PCDH15: variants seen among roughly 807,000 people sequenced by gnomAD.
The protein encoded by PCDH15 is protocadherin-15.
PCDH15 carries 129 observed loss-of-function variants against 178.5 expected under a neutral mutation model. The observed-to-expected ratio is 0.72, with a 90% confidence interval of 0.63 to 0.84. The LOEUF (loss-of-function observed/expected upper bound fraction) is 0.84. PCDH15 is among the 40% of genes least tolerant of loss of function. The pLI, the probability that PCDH15 is intolerant of heterozygous loss-of-function variation, is 0.00. For synonymous variants in PCDH15, 800 were observed against 732.0 expected (o/e 1.09, Z -1.50); for missense variants, 2,230 against 2,099.9 (o/e 1.06, Z -1.21).
At chr10:54,075,159 C>T (rs892140277) in intron 17 of PCDH15, among the ~76,000 whole-genome samples, 3 of 151,952 alleles carry the variant, frequency 2.0e-5, no homozygotes, top group African/African-American at 4.8e-5. Flanking sequence ...AGGCAGATCA[C>T]GAGGTCAGGA....
chr10:55,623,259 C>G (rs1191874603), intron 2 of PCDH15, among the ~76,000 whole-genome samples: 1 of 152,146 alleles, frequency 6.6e-6, no homozygotes, highest in Non-Finnish European at 1.5e-5. Context: ...TTAACTAGGT[C>G]GTAGGACTGG....
intron 3 of PCDH15, among the ~76,000 whole-genome samples, chr10:54,432,217 A>G (rs1282217537): frequency 1.3e-5 from 2 of 152,114 alleles, no homozygotes; most frequent in African/African-American, 4.8e-5. Flanking sequence ...ATAGAAAAAA[A>G]TTCTAAAATG....
At chr10:54,722,973 A>T (rs1209372709) in intron 1 of PCDH15, among the ~76,000 whole-genome samples, 1 of 151,694 alleles carries the variant, frequency 6.6e-6, no homozygotes, top group African/African-American at 2.4e-5. Flanking sequence ...TACTGCACAA[A>T]TCAATCTACA....
At chr10:54,769,998 T>C (rs1416106373) in intron 1 of PCDH15, among the ~76,000 whole-genome samples, 3 of 152,168 alleles carry the variant, frequency 2.0e-5, no homozygotes, top group East Asian at 3.9e-4. Flanking sequence ...TTAGTTCAAA[T>C]TGAATAAAAT....
At chr10:55,162,955 C>A (rs1839102812) in intron 2 of PCDH15, among the ~76,000 whole-genome samples, 1 of 152,118 alleles carries the variant, frequency 6.6e-6, no homozygotes, top group Non-Finnish European at 1.5e-5. Flanking sequence ...ATTTCAGAAC[C>A]TAAGATTTGC....
Position 54,398,810 on chromosome 10 carries a change from G to C in PCDH15, c.158-19868C>G, listed in dbSNP as rs569364790. 3.3e-5 allele frequency among the ~76,000 whole-genome samples: 5 copies of C among 152,094 alleles called. No individual in the cohort carries two copies. The South Asian group carries it at 1.0e-3, about 32-fold the overall frequency. On this transcript the variant is annotated intron_variant, in intron 3 of 37. Transcript: ENST00000644397. The stretch of plus-strand genomic sequence containing the variant: ...TAGCCTTGCAGACAACCAAGTATCC[G>C]GGTTGCCTTATGAACTAAGCATAGG...
At chr10:55,104,687 A>G (rs1029731432) in intron 2 of PCDH15, among the ~76,000 whole-genome samples, 9 of 152,210 alleles carry the variant, frequency 5.9e-5, no homozygotes, top group African/African-American at 2.2e-4. Flanking sequence ...TGAAGTAGGT[A>G]CTACTGTACC....
chr10:54,135,594 C>G (rs1808012915), intron 14 of PCDH15, among the ~76,000 whole-genome samples: 1 of 152,148 alleles, frequency 6.6e-6, no homozygotes, highest in African/African-American at 2.4e-5. Context: ...AACATTTTCC[C>G]TGATATTACC....
intron 3 of PCDH15, among the ~76,000 whole-genome samples, chr10:54,388,483 G>T (rs1309214078): frequency 6.6e-6 from 1 of 152,130 alleles, no homozygotes; most frequent in Non-Finnish European, 1.5e-5. Flanking sequence ...TCAGGAGAGG[G>T]CATGCCTTCG....
At chr10:55,024,241 A>G (rs1249780329) in intron 2 of PCDH15, among the ~76,000 whole-genome samples, 1 of 147,450 alleles carries the variant, frequency 6.8e-6, no homozygotes, top group Non-Finnish European at 1.5e-5. Context: ...TCTGATTCAG[A>G]TATGTATCTG....
chr10:54,378,276 C>T lies in PCDH15; in HGVS notation c.318+506G>A, dbSNP rs1291571154. Among the ~76,000 whole-genome samples the T allele has an allele frequency of 9.2e-5, 14 of 151,730 alleles. No homozygotes were observed. In the East Asian group the frequency reaches 2.7e-3, roughly 29 times the overall value. ...AAAAATTTATGCTATCTGAGAACTA[C>T]TTGACTGGCATATTACCATGAAACT... On this transcript the variant is annotated intron_variant, in intron 4 of 37. Coordinates refer to ENST00000644397, the MANE Select transcript of PCDH15 (RefSeq NM_001384140.1).
intron 1 of PCDH15, among the ~76,000 whole-genome samples, chr10:55,232,821 CAA>C (rs1841263697): frequency 6.6e-6 from 1 of 152,062 alleles, no homozygotes; most frequent in Admixed American, 6.5e-5. Flanking sequence ...TGCCAACAAT[CAA>C]GTTACATAAG....
At chr10:55,514,834 T>C (rs1242337673) in intron 2 of PCDH15, among the ~76,000 whole-genome samples, 2 of 151,870 alleles carry the variant, frequency 1.3e-5, no homozygotes, top group African/African-American at 2.4e-5. Context: ...GGAAATGGAG[T>C]TGCCATTTCT....
rs114177653 is a variant in PCDH15, at chr10:54,379,705, A to G, written c.158-763T>C. On this transcript the variant is annotated intron_variant, in intron 3 of 37. Transcript: ENST00000644397. ...TACATGTCGAATGCAAACAGCACTG[A>G]TGCAACTCAAATACCATTTTTCCCT... is the stretch of plus-strand genomic sequence containing the variant. Among the ~76,000 whole-genome samples, 740 of 152,256 alleles carry G rather than the reference A, an allele frequency of 4.9e-3. 8 individuals carry two copies. Among genetic ancestry groups the G allele is most frequent in the African/African-American group, 0.017 (687 of 41,556 alleles).
At chr10:54,630,147 C>CTG in intron 2 of PCDH15, among the ~76,000 whole-genome samples, 1 of 151,972 alleles carries the variant, frequency 6.6e-6, no homozygotes, top group Non-Finnish European at 1.5e-5. Flanking sequence ...ACGTTTTTCC[C>CTG]AGAACTAGAA....
intron 3 of PCDH15, among the ~76,000 whole-genome samples, chr10:54,399,937 C>G (rs915953425): frequency 6.6e-6 from 1 of 152,100 alleles, no homozygotes; most frequent in Admixed American, 6.6e-5. Context: ...TGCACCCTTT[C>G]TTTTCTTTTT....
chr10:54,296,948 G>A (rs1295146689), intron 8 of PCDH15, among the ~76,000 whole-genome samples: 3 of 151,760 alleles, frequency 2.0e-5, no homozygotes, highest in Non-Finnish European at 4.4e-5. Context: ...TTTCTAGAAT[G>A]CATTGGTAAG....
chr10:55,070,456 T>G (rs1484374576), intron 2 of PCDH15, among the ~76,000 whole-genome samples: 2 of 152,158 alleles, frequency 1.3e-5, no homozygotes, highest in Non-Finnish European at 2.9e-5. Flanking sequence ...AATTTTTGTA[T>G]AAGGTGTAAG....
At chr10:55,409,330 C>T (rs1235214581) in intron 2 of PCDH15, among the ~76,000 whole-genome samples, 1 of 152,134 alleles carries the variant, frequency 6.6e-6, no homozygotes, top group Non-Finnish European at 1.5e-5. Flanking sequence ...ATGCTCAGCC[C>T]CAGCACCCTG....
Sources: gnomAD v4.1 joint callset for allele counts (sites outside exome capture counted in the v4.1 genomes callset) on GRCh38, gnomAD v4.1.1 for gene constraint, MANE v1.5 for transcripts, NCBI Gene and HGNC (gene_info 2026-07-23, HGNC 2026-07-21) for gene names.